FGD4: variants seen among roughly 807,000 people sequenced by gnomAD.
FGD4 encodes FYVE, RhoGEF and PH domain containing 4, also known as FYVE, RhoGEF and PH domain-containing protein 4.
FGD4 carries 42 observed loss-of-function variants against 102.0 expected under a neutral mutation model. The ratio of observed to expected loss-of-function variants is 0.41; its 90% CI spans 0.32 to 0.53. The LOEUF (loss-of-function observed/expected upper bound fraction) is 0.53, where lower values mean the gene tolerates loss of function less well. Ranked by LOEUF, FGD4 falls within the 20% of genes least tolerant of loss-of-function variation. The probability of loss-of-function intolerance (pLI) is 0.21; values close to 1 mark genes in which losing one functional copy is unlikely to be tolerated. For synonymous variants in FGD4, 380 were observed against 375.7 expected (o/e 1.01, Z -0.13); for missense variants, 902 against 1,078.2 (o/e 0.84, Z 2.29).
chr12:32,638,950 T>A, intron 16 of FGD4, 155 bp downstream of exon 16: 1 of 1,485,754 alleles, frequency 6.7e-7, no homozygotes. Context: ...GTTTGTTGTT[T>A]AAGCTGATTG....
At chr12:32,504,319 A>G (rs1938494780) in intron 1 of FGD4, among the ~76,000 whole-genome samples, 1 of 152,170 alleles carries the variant, frequency 6.6e-6, no homozygotes, top group African/African-American at 2.4e-5. Context: ...TGTGATCCCA[A>G]CTAGGGTACC....
intron 1 of FGD4, among the ~76,000 whole-genome samples, chr12:32,469,341 C>T (rs1423311975): frequency 6.7e-6 from 1 of 149,138 alleles, no homozygotes; most frequent in South Asian, 2.2e-4. Context: ...TGCAGTGGCG[C>T]AATCTCGGCT....
chr12:32,493,884 G>T (rs867621656), intron 1 of FGD4, among the ~76,000 whole-genome samples: 1 of 152,222 alleles, frequency 6.6e-6, no homozygotes, highest in Non-Finnish European at 1.5e-5. Context: ...TTTCGATAGG[G>T]TGGTGGGGAA....
intron 3 of FGD4, among the ~76,000 whole-genome samples, chr12:32,581,306 G>A (rs1946597773): frequency 6.6e-6 from 1 of 152,212 alleles, no homozygotes; most frequent in Non-Finnish European, 1.5e-5. Context: ...AATCTCATAG[G>A]CTGTCACTGG....
Position 32,564,157 on chromosome 12 carries a change from A to G in FGD4, c.187A>G (p.Ile63Val). The G allele has an allele frequency of 1.3e-6, 2 of 1,536,028 alleles. No individual in the cohort carries two copies. Among genetic ancestry groups the G allele is most frequent in the Non-Finnish European group, 1.7e-6 (2 of 1,146,856 alleles). ...GATGSSTCPK[I>V]ALVPPCSTSS... ...TGCAGGCAGCAGTACCTGTCCAAAG[A>G]TCGCTTTAGTTCCACCTTGCTCCAC... Residue 63 changes from isoleucine (I) to valine (V), a missense_variant, in exon 2 of 17, where the codon ATC becomes GTC. This residue lies in a region of FGD4 where 443 missense variants were observed against 459.2 expected (regional missense o/e 0.96). Coordinates refer to ENST00000534526, the MANE Select transcript of FGD4 (RefSeq NM_001370298.3).
chr12:32,603,391 T>TTC (rs1356161437), intron 7 of FGD4, among the ~76,000 whole-genome samples: 73 of 113,856 alleles, frequency 6.4e-4, no homozygotes, highest in Admixed American at 1.2e-3. Flanking sequence ...ATTTTATTTA[T>TTC]TTTTTTTTTT....
intron 1 of FGD4, among the ~76,000 whole-genome samples, chr12:32,555,755 A>G (rs1944055577): frequency 6.6e-6 from 1 of 151,842 alleles, no homozygotes; most frequent in Non-Finnish European, 1.5e-5. Flanking sequence ...TATTTTTGGT[A>G]GAGACGGGGT....
chr12:32,637,048 CTT>C (rs920177828), intron 15 of FGD4, among the ~76,000 whole-genome samples: 6 of 86,380 alleles, frequency 6.9e-5, no homozygotes, highest in Admixed American at 1.2e-4. Flanking sequence ...TTTTTTTCTT[CTT>C]TTTTTTTTTT....
intron 1 of FGD4, among the ~76,000 whole-genome samples, chr12:32,453,220 A>ATATTTT (rs1391496111): frequency 5.5e-4 from 29 of 52,786 alleles, no homozygotes; most frequent in South Asian, 2.5e-3. Flanking sequence ...ATATATATAT[A>ATATTTT]ATATAGATAT....
At chr12:32,471,921 A>T (rs1943424681) in intron 1 of FGD4, among the ~76,000 whole-genome samples, 1 of 152,214 alleles carries the variant, frequency 6.6e-6, no homozygotes, top group Admixed American at 6.5e-5. Context: ...CTAAACAAAA[A>T]TGTAAACACC....
rs1015279799 is a variant in FGD4, at chr12:32,457,259, A to G, written c.166+57300A>G. 1.3e-4 allele frequency among the ~76,000 whole-genome samples: 20 copies of G among 151,974 alleles called. No individual in the cohort carries two copies. The East Asian group carries it at 1.5e-3, about 12-fold the overall frequency. Reference sequence around the variant, plus strand: ...ATTGTTTATAATTTTTTTTTTAACTAGAAATCAGAGATACATATGTGAGAC... The same window carrying G: ...ATTGTTTATAATTTTTTTTTTAACTGGAAATCAGAGATACATATGTGAGAC... On this transcript the variant is annotated intron_variant, in intron 1 of 16. Coordinates refer to ENST00000534526, the MANE Select transcript of FGD4 (RefSeq NM_001370298.3).
At chr12:32,516,316 A>AT (rs898885477) in intron 1 of FGD4, among the ~76,000 whole-genome samples, 11 of 151,398 alleles carry the variant, frequency 7.3e-5, no homozygotes, top group Non-Finnish European at 1.2e-4. Context: ...TAATTTTTTA[A>AT]TTTTTTTTAT....
At chr12:32,628,742 C>T (rs186247969) in intron 14 of FGD4, among the ~76,000 whole-genome samples, 3 of 152,146 alleles carry the variant, frequency 2.0e-5, no homozygotes, top group East Asian at 3.9e-4. Flanking sequence ...GCCGAGATTG[C>T]GCCATTGCAC....
chr12:32,636,975 A>G (rs1360174784), intron 15 of FGD4, among the ~76,000 whole-genome samples: 1 of 149,936 alleles, frequency 6.7e-6, no homozygotes, highest in East Asian at 2.0e-4. Context: ...GGTCCAAGCA[A>G]TTCTTATGTC....
chr12:32,459,661 A>G (rs957813493), intron 1 of FGD4, among the ~76,000 whole-genome samples: 1 of 151,964 alleles, frequency 6.6e-6, no homozygotes, highest in African/African-American at 2.4e-5. Flanking sequence ...AAAGAAATGT[A>G]TTTAAAAATC....
At position 32,536,864 on chromosome 12, in the gene FGD4, A is replaced by C. The variant is rs545376370; in HGVS notation, c.167-27273A>C. On this transcript the variant is annotated intron_variant, in intron 1 of 16. Coordinates refer to ENST00000534526, the MANE Select transcript of FGD4 (RefSeq NM_001370298.3). Reference sequence around the variant, plus strand: ...ACAAACAAACAAAAAAGACTGTGTCACTGTGGTCTTGTCTTTTCCATGCCA... The same window carrying C: ...ACAAACAAACAAAAAAGACTGTGTCCCTGTGGTCTTGTCTTTTCCATGCCA... Among the ~76,000 whole-genome samples the C allele has an allele frequency of 4.6e-5, 7 of 152,262 alleles. No homozygotes were observed. In the East Asian group the frequency reaches 1.4e-3, roughly 29 times the overall value.
chr12:32,522,921 G>A (rs1016478779), intron 1 of FGD4, among the ~76,000 whole-genome samples: 3 of 152,218 alleles, frequency 2.0e-5, no homozygotes, highest in South Asian at 2.1e-4. Flanking sequence ...TACAAAGCCT[G>A]AAATAATATC....
At chr12:32,471,434 G>C (rs1943412556) in intron 1 of FGD4, among the ~76,000 whole-genome samples, 1 of 152,170 alleles carries the variant, frequency 6.6e-6, no homozygotes, top group Non-Finnish European at 1.5e-5. Context: ...CTGAGACTTA[G>C]ACGCTATGTT....
intron 1 of FGD4, among the ~76,000 whole-genome samples, chr12:32,555,040 G>T (rs1192738807): frequency 6.6e-6 from 1 of 152,240 alleles, no homozygotes; most frequent in Non-Finnish European, 1.5e-5. Flanking sequence ...GTCCTGGTTT[G>T]ACAATATGGA....
Sources: allele counts gnomAD v4.1 joint callset (sites outside exome capture counted in the v4.1 genomes callset), GRCh38; gene constraint gnomAD v4.1.1; regional missense constraint gnomAD v4.1.1; transcripts MANE v1.5; gene names NCBI Gene and HGNC (gene_info 2026-07-23, HGNC 2026-07-21).